Variants in TTC29 observed in about 807,000 individuals in gnomAD.
TTC29 encodes tetratricopeptide repeat protein 29.
A neutral mutation model predicts 58.1 loss-of-function variants in TTC29; 49 were observed. The observed-to-expected ratio is 0.84, with a 90% confidence interval of 0.67 to 1.07. The LOEUF (loss-of-function observed/expected upper bound fraction) is 1.07, where lower values mean the gene tolerates loss of function less well. Among genes scored for constraint, TTC29 ranks in the 50% least tolerant of loss-of-function variants. The pLI, the probability that TTC29 is intolerant of heterozygous loss-of-function variation, is 0.00. For missense variants in TTC29, 582 were observed against 555.6 expected (o/e 1.05, Z -0.48); for synonymous variants, 209 against 196.8 (o/e 1.06, Z -0.52).
rs546809136 is a variant in TTC29, at chr4:146,885,583, G to T, written c.587-10655C>A. Among the ~76,000 whole-genome samples, 8 of 152,114 alleles carry T rather than the reference G, an allele frequency of 5.3e-5. 1 individual carries two copies. In the South Asian group the frequency reaches 1.7e-3, roughly 32 times the overall value. On this transcript the variant is annotated intron_variant, in intron 6 of 12. Transcript: ENST00000325106. Reference sequence around the variant, plus strand: ...TATACACTTTAATCATCTGTCTAGTGCTCAGGTATTTAGATTACTTCTTTA... The same window carrying T: ...TATACACTTTAATCATCTGTCTAGTTCTCAGGTATTTAGATTACTTCTTTA...
At chr4:146,753,277 T>A (rs1235160151) in intron 11 of TTC29, among the ~76,000 whole-genome samples, 1 of 152,168 alleles carries the variant, frequency 6.6e-6, no homozygotes, top group Non-Finnish European at 1.5e-5. Flanking sequence ...AAGACATTTA[T>A]GCAGCCAAAA....
At chr4:146,713,111 C>CGT (rs10678715) in intron 11 of TTC29, among the ~76,000 whole-genome samples, 23,222 of 139,516 alleles carry the variant, frequency 0.17, 2,381 homozygotes, top group African/African-American at 0.29. Flanking sequence ...GAGAATTGAT[C>CGT]GTGTGTGTGT....
chr4:146,832,400 T>C (rs758409102), intron 9 of TTC29, among the ~76,000 whole-genome samples: 10 of 152,186 alleles, frequency 6.6e-5, no homozygotes, highest in Non-Finnish European at 1.0e-4. Context: ...AATGTTTATT[T>C]AGAAGGATCA....
At chr4:146,850,648 C>T (rs760057132) in intron 8 of TTC29, among the ~76,000 whole-genome samples, 5 of 152,118 alleles carry the variant, frequency 3.3e-5, no homozygotes, top group Non-Finnish European at 7.3e-5. Context: ...TTTTCAAAAC[C>T]CATTTTGAAG....
At chr4:146,906,671 T>G (rs1294811586) in intron 5 of TTC29, among the ~76,000 whole-genome samples, 1 of 152,218 alleles carries the variant, frequency 6.6e-6, no homozygotes, top group Non-Finnish European at 1.5e-5. Flanking sequence ...ATTATAACAA[T>G]TTTTGAAAAA....
intron 11 of TTC29, among the ~76,000 whole-genome samples, chr4:146,714,335 A>C (rs1022042003): frequency 6.6e-6 from 1 of 152,166 alleles, no homozygotes; most frequent in Non-Finnish European, 1.5e-5. Context: ...AACATTAATA[A>C]ACTTGAAGAC....
rs1750375740 is a variant in TTC29 at position 146,803,470 on chromosome 4, A to G, written c.1317T>C (p.Pro439=). ...SWKESRGNIE[P]DPVTEEFRGS... is the part of the protein sequence containing the mutation. The stretch of plus-strand genomic sequence containing the variant: ...CCAATGCCTTACCAGTAACTGGATC[A>G]GGTTCAATGTTACCTCTGCTCTCCT... The change falls in exon 11 of 13, where the codon CCT becomes CCC. Residue 439 remains proline, a synonymous_variant. Coordinates refer to ENST00000325106, the MANE Select transcript of TTC29 (RefSeq NM_031956.4). 12 of 1,581,260 alleles carry G rather than the reference A, an allele frequency of 7.6e-6. No homozygotes were observed. Among genetic ancestry groups the G allele is most frequent in the African/African-American group, 1.3e-5 (1 of 74,546 alleles).
intron 6 of TTC29, among the ~76,000 whole-genome samples, chr4:146,883,217 T>C (rs949768390): frequency 6.6e-5 from 10 of 152,052 alleles, no homozygotes. Context: ...GTGATATCAT[T>C]GGACCATTCA....
intron 4 of TTC29, among the ~76,000 whole-genome samples, chr4:146,935,420 T>A (rs941214578): frequency 6.6e-6 from 1 of 152,196 alleles, no homozygotes; most frequent in Non-Finnish European, 1.5e-5. Flanking sequence ...TGAGGATATA[T>A]CTTAGACATT....
chr4:146,808,137 A>C (rs1011611323), intron 10 of TTC29, among the ~76,000 whole-genome samples: 1 of 152,194 alleles, frequency 6.6e-6, no homozygotes, highest in African/African-American at 2.4e-5. Flanking sequence ...AATGACAAAA[A>C]CCACATGATT....
chr4:146,930,606 C>T (rs1007611261), intron 4 of TTC29, among the ~76,000 whole-genome samples: 2 of 152,134 alleles, frequency 1.3e-5, no homozygotes, highest in Admixed American at 6.5e-5. Flanking sequence ...GTTGCAGTAA[C>T]CTCAGTAATT....
At chr4:146,943,881 C>T (rs534440032) in intron 2 of TTC29, among the ~76,000 whole-genome samples, 1 of 152,274 alleles carries the variant, frequency 6.6e-6, no homozygotes, top group South Asian at 2.1e-4. Context: ...CCCATGTGAG[C>T]TCCAATTTAG....
intron 11 of TTC29, among the ~76,000 whole-genome samples, chr4:146,761,671 T>TG (rs1746912063): frequency 1.4e-5 from 2 of 141,830 alleles, no homozygotes; most frequent in South Asian, 4.5e-4. Flanking sequence ...ACAGAGTAGT[T>TG]TTTTTTTTTT....
intron 4 of TTC29, among the ~76,000 whole-genome samples, chr4:146,919,932 T>C (rs1384483876): frequency 2.6e-5 from 4 of 151,134 alleles, no homozygotes; most frequent in Non-Finnish European, 5.9e-5. Flanking sequence ...AAGTATGTCA[T>C]ACATTTTATC....
At chr4:146,908,300 A>G (rs1234428673) in intron 5 of TTC29, among the ~76,000 whole-genome samples, 1 of 152,198 alleles carries the variant, frequency 6.6e-6, no homozygotes, top group African/African-American at 2.4e-5. Context: ...AAATTCTAGA[A>G]TTTCATTTTT....
At chr4:146,766,520 A>G (rs542901926) in intron 11 of TTC29, among the ~76,000 whole-genome samples, 1 of 152,240 alleles carries the variant, frequency 6.6e-6, no homozygotes, top group East Asian at 1.9e-4. Context: ...AATTATTTAA[A>G]TAATGTATTT....
chr4:146,882,104 G>T (rs1731668368), intron 6 of TTC29, among the ~76,000 whole-genome samples: 1 of 152,032 alleles, frequency 6.6e-6, no homozygotes, highest in Admixed American at 6.6e-5. Context: ...TATTACTGAT[G>T]ATGGAAATAA....
At chr4:146,876,934 CAAAAAA>C (rs776037799) in intron 6 of TTC29, among the ~76,000 whole-genome samples, 1 of 59,192 alleles carries the variant, frequency 1.7e-5, no homozygotes, top group Non-Finnish European at 3.1e-5. Flanking sequence ...GACTCCATCT[CAAAAAA>C]AAAAAAAAAA....
intron 8 of TTC29, among the ~76,000 whole-genome samples, chr4:146,847,070 G>C (rs185313803): frequency 6.6e-6 from 1 of 152,262 alleles, no homozygotes; most frequent in East Asian, 1.9e-4. Flanking sequence ...AAGAAGCTTC[G>C]TCTATTACCC....
Sources: gnomAD v4.1 joint callset for allele counts (sites outside exome capture counted in the v4.1 genomes callset) on GRCh38, gnomAD v4.1.1 for gene constraint, MANE v1.5 for transcripts, NCBI Gene and HGNC (gene_info 2026-07-23, HGNC 2026-07-21) for gene names.